ZNF618: variants seen among roughly 807,000 people sequenced by gnomAD.
The protein encoded by ZNF618 is zinc finger protein 618.
ZNF618 carries 34 observed loss-of-function variants against 103.0 expected under a neutral mutation model. The observed-to-expected ratio is 0.33, with a 90% confidence interval of 0.25 to 0.44. ZNF618 has a LOEUF of 0.44. Ranked by LOEUF, ZNF618 falls within the 20% of genes least tolerant of loss-of-function variation. The probability of loss-of-function intolerance (pLI) is 1.00; values close to 1 mark genes in which losing one functional copy is unlikely to be tolerated. For missense variants in ZNF618, 1,059 were observed against 1,295.4 expected, an observed-to-expected ratio of 0.82 and a Z score of 2.80; for synonymous variants, 551 against 542.2, an observed-to-expected ratio of 1.02 and a Z score of -0.23.
At chr9:113,966,389 A>G (rs1837406990) in intron 1 of ZNF618, among the ~76,000 whole-genome samples, 1 of 152,096 alleles carries the variant, frequency 6.6e-6, no homozygotes, top group African/African-American at 2.4e-5. Context: ...TCAAATTGAG[A>G]CTCAGGTCAG....
chr9:113,985,983 T>A (rs1839436412), intron 2 of ZNF618, among the ~76,000 whole-genome samples: 1 of 152,226 alleles, frequency 6.6e-6, no homozygotes, highest in Non-Finnish European at 1.5e-5. Flanking sequence ...CATGCAGTTT[T>A]ACACTTTCTT....
intron 12 of ZNF618, among the ~76,000 whole-genome samples, chr9:114,034,642 G>A: frequency 6.6e-6 from 1 of 152,204 alleles, no homozygotes; most frequent in East Asian, 1.9e-4. Flanking sequence ...ATTATAAGTG[G>A]TGGAGCCAGG....
rs552564582 is a variant in ZNF618, at chr9:114,016,186, C to T, written c.755-509C>T. 77 of 1,611,874 alleles carry T rather than the reference C, an allele frequency of 4.8e-5. 1 individual carries two copies. Among genetic ancestry groups the T allele is most frequent in the Admixed American group, 1.7e-4 (10 of 59,972 alleles). ...GCCAAAAGAGAGGTAAAGATAAAGTCGGGTGGGACTTGAGAGGAAGAAGTG... is the reference window on the plus strand; with the variant it reads ...GCCAAAAGAGAGGTAAAGATAAAGTTGGGTGGGACTTGAGAGGAAGAAGTG... On this transcript the variant is annotated intron_variant, in intron 9 of 14. Transcript: ENST00000374126.
chr9:114,018,790 A>G (rs1006837659), intron 10 of ZNF618, among the ~76,000 whole-genome samples: 3 of 152,098 alleles, frequency 2.0e-5, no homozygotes, highest in African/African-American at 7.2e-5. Context: ...TGCTTGTTGA[A>G]TTAATCTCTC....
chr9:114,031,742 A>G (rs987273331), intron 11 of ZNF618, among the ~76,000 whole-genome samples: 1 of 152,050 alleles, frequency 6.6e-6, no homozygotes, highest in Non-Finnish European at 1.5e-5. Context: ...CTTTGGGCAA[A>G]TTGTTTCTCC....
At chr9:114,002,402 A>G (rs1841314714) in intron 5 of ZNF618, among the ~76,000 whole-genome samples, 1 of 152,126 alleles carries the variant, frequency 6.6e-6, no homozygotes, top group South Asian at 2.1e-4. Flanking sequence ...TGCTGAGGTC[A>G]GTGTGTGTGT....
At chr9:113,981,972 A>T (rs945003107) in intron 2 of ZNF618, among the ~76,000 whole-genome samples, 13 of 151,954 alleles carry the variant, frequency 8.6e-5, no homozygotes, top group Admixed American at 8.5e-4. Context: ...GGTGGGCATG[A>T]GCTCTGTGAA....
intron 1 of ZNF618, among the ~76,000 whole-genome samples, chr9:113,902,210 C>G (rs1319582441): frequency 6.6e-6 from 1 of 152,174 alleles, no homozygotes; most frequent in Non-Finnish European, 1.5e-5. Flanking sequence ...TGCTAAACCT[C>G]TCTGTTTCGT....
intron 1 of ZNF618, among the ~76,000 whole-genome samples, chr9:113,888,328 C>T (rs1323932866): frequency 6.6e-6 from 1 of 152,204 alleles, no homozygotes; most frequent in African/African-American, 2.4e-5. Context: ...AGCTGCTCTC[C>T]CCATTTCATG....
At chr9:113,989,569 C>T (rs534602700) in intron 3 of ZNF618, among the ~76,000 whole-genome samples, 51 of 152,286 alleles carry the variant, frequency 3.3e-4, no homozygotes, top group African/African-American at 1.2e-3. Flanking sequence ...CTCCCTACTC[C>T]ATGTTTCCAA....
chr9:113,965,483 A>G (rs1302879518), intron 1 of ZNF618, among the ~76,000 whole-genome samples: 1 of 152,108 alleles, frequency 6.6e-6, no homozygotes, highest in Non-Finnish European at 1.5e-5. Context: ...AAGAGGGGAC[A>G]GGCACCCTTA....
chr9:113,986,874 A>G (rs552483101), intron 2 of ZNF618, among the ~76,000 whole-genome samples: 2 of 152,212 alleles, frequency 1.3e-5, no homozygotes, highest in South Asian at 2.1e-4. Flanking sequence ...ATGTGATTAA[A>G]CCCATGCTCC....
chr9:113,964,957 C>A lies in ZNF618; in HGVS notation c.34-4160C>A, dbSNP rs532836664. Among the ~76,000 whole-genome samples, 8 of 149,280 alleles carry A rather than the reference C, an allele frequency of 5.4e-5. No individual in the cohort carries two copies. The South Asian group carries it at 1.5e-3, about 28-fold the overall frequency. On this transcript the variant is annotated intron_variant, in intron 1 of 14. Transcript: ENST00000374126. Reference sequence around the variant, plus strand: ...GCACTGTGGATTTACTGCCCTAGAGCCAGCGAGAGATAGGATTTTTTTTTT... The same window carrying A: ...GCACTGTGGATTTACTGCCCTAGAGACAGCGAGAGATAGGATTTTTTTTTT...
chr9:113,888,204 C>T (rs1829255952), intron 1 of ZNF618, among the ~76,000 whole-genome samples: 1 of 152,220 alleles, frequency 6.6e-6, no homozygotes, highest in East Asian at 1.9e-4. Flanking sequence ...CGTTGTACAG[C>T]TGAGGAAAGC....
chr9:113,949,461 C>T (rs12554824), intron 1 of ZNF618, among the ~76,000 whole-genome samples: 5,573 of 152,256 alleles, frequency 0.037, 611 homozygotes, highest in East Asian at 0.33. Context: ...TTCTTCCTTA[C>T]GGCTGGTTCC....
At chr9:113,981,680 G>C (rs1330657295) in intron 2 of ZNF618, among the ~76,000 whole-genome samples, 1 of 152,256 alleles carries the variant, frequency 6.6e-6, no homozygotes, top group Non-Finnish European at 1.5e-5. Context: ...TTGGGCTTCA[G>C]ATCCACTGGT....
At chr9:114,016,931 C>A in intron 10 of ZNF618, 147 bp downstream of exon 10, 1 of 625,466 alleles carries the variant, frequency 1.6e-6, no homozygotes, top group Non-Finnish European at 2.8e-6. Flanking sequence ...TTATGTCTGA[C>A]CCAGGGCCAC....
chr9:114,038,659 C>T (rs573027951), intron 13 of ZNF618, among the ~76,000 whole-genome samples: 24 of 152,296 alleles, frequency 1.6e-4, no homozygotes, highest in African/African-American at 4.8e-4. Context: ...GCCTTGGTGA[C>T]GTTGGAGAAG....
In ZNF618 at chr9:113,951,433, A is replaced by ATGTGTG. The variant is rs1835629240; in HGVS notation, c.34-17683_34-17682insGTGTGT. 7.5e-5 allele frequency among the ~76,000 whole-genome samples: 5 copies of ATGTGTG among 66,956 alleles called. 1 individual carries two copies. Among genetic ancestry groups the ATGTGTG allele is most frequent in the Non-Finnish European group, 1.2e-4 (4 of 33,862 alleles). The allele number at this position is 66,956 out of a possible 152,430, so 43.9% of individuals were successfully genotyped here. ...TATACACACATATATGTGTGTGTGT[A>ATGTGTG]TATATATACATATATGTGTATATAT... On this transcript the variant is annotated intron_variant, in intron 1 of 14. Transcript: ENST00000374126.
Sources: gnomAD v4.1 joint callset for allele counts (sites outside exome capture counted in the v4.1 genomes callset) on GRCh38, gnomAD v4.1.1 for gene constraint, MANE v1.5 for transcripts, NCBI Gene and HGNC (gene_info 2026-07-23, HGNC 2026-07-21) for gene names.